C3orf49: variants seen among roughly 807,000 people sequenced by gnomAD.
C3orf49 encodes the protein putative uncharacterized protein C3orf49.
In C3orf49, 27 loss-of-function variants were observed where a neutral mutation model predicts 13.3. The ratio of observed to expected loss-of-function variants is 2.02; its 90% CI spans 1.49 to 2.79. The LOEUF (loss-of-function observed/expected upper bound fraction) is 2.79. C3orf49 is among the 30% of genes most tolerant of loss of function. The pLI is 0.00. For missense variants in C3orf49, 242 were observed against 134.2 expected, an observed-to-expected ratio of 1.80 and a Z score of -3.97; for synonymous variants, 87 against 47.6, an observed-to-expected ratio of 1.83 and a Z score of -3.40.
intron 1 of C3orf49, among the ~76,000 whole-genome samples, chr3:63,821,363 G>T (rs1701391673): frequency 6.6e-6 from 1 of 152,058 alleles, no homozygotes; most frequent in Non-Finnish European, 1.5e-5. Flanking sequence ...GAAGAACATT[G>T]TTAATGGTTA....
the C3orf49 span, among the ~76,000 whole-genome samples, chr3:63,784,391 T>C: frequency 6.6e-6 from 1 of 152,196 alleles, no homozygotes; most frequent in Admixed American, 6.5e-5. Context: ...ATGGCTATAA[T>C]CCATTATTCC....
rs774210324 is a variant in C3orf49 at position 63,835,255 on chromosome 3, G to A, written c.849+3411G>A. On this transcript the variant is annotated intron_variant, in intron 5 of 6. Transcript: ENST00000295896. Reference sequence around the variant, plus strand: ...TAACAAGAAAAAAATTTATACAAATGACCTGTATATATAGATATATAGACA... The same window carrying A: ...TAACAAGAAAAAAATTTATACAAATAACCTGTATATATAGATATATAGACA... 86 of 1,612,194 alleles carry A rather than the reference G, an allele frequency of 5.3e-5. No individual in the cohort carries two copies. The East Asian group carries it at 1.8e-3, about 34-fold the overall frequency.
At chr3:63,838,349 A>T in intron 5 of C3orf49, 1 of 1,401,042 alleles carries the variant, frequency 7.1e-7, no homozygotes, top group Non-Finnish European at 9.8e-7. Context: ...AAAATTACAG[A>T]TAGAAACATT....
chr3:63,796,455 C>T, the C3orf49 span, among the ~76,000 whole-genome samples: 1 of 152,178 alleles, frequency 6.6e-6, no homozygotes, highest in East Asian at 1.9e-4. Flanking sequence ...TCTCCAATGT[C>T]TTCTTTCTAA....
At chr3:63,799,352 A>G in the C3orf49 span, among the ~76,000 whole-genome samples, 81 of 152,176 alleles carry the variant, frequency 5.3e-4, no homozygotes, top group African/African-American at 1.9e-3. Context: ...ATTAGTGGAC[A>G]TCTACTGCTT....
chr3:63,831,297 T>G, intron 4 of C3orf49, 74 bp downstream of exon 4: 1 of 663,808 alleles, frequency 1.5e-6, no homozygotes, highest in South Asian at 1.7e-5. Flanking sequence ...CGCACAGCCC[T>G]GCTAGACAGC....
At chr3:63,787,981 A>G in the C3orf49 span, among the ~76,000 whole-genome samples, 1 of 152,208 alleles carries the variant, frequency 6.6e-6, no homozygotes. Flanking sequence ...AAGCTTGGGA[A>G]TTGGAAATGT....
At chr3:63,843,377 C>G (rs1343204617) in intron 5 of C3orf49, among the ~76,000 whole-genome samples, 1 of 152,032 alleles carries the variant, frequency 6.6e-6, no homozygotes, top group Non-Finnish European at 1.5e-5. Context: ...CTCGGCCTCT[C>G]AAAGTGCTGG....
rs151162139 is a variant in C3orf49 at position 63,830,832 on chromosome 3, C to T, written c.571-278C>T. 0.011 allele frequency among the ~76,000 whole-genome samples: 1,649 copies of T among 152,294 alleles called. 10 individuals are homozygous for T. Among genetic ancestry groups the T allele is most frequent in the Non-Finnish European group, 0.016 (1,084 of 68,024 alleles). ...AGGCAATTTCTTCTTCTTCCCCTTACGAATGACCTGCTTTTTTCCTGATGC... is the reference window on the plus strand; with the variant it reads ...AGGCAATTTCTTCTTCTTCCCCTTATGAATGACCTGCTTTTTTCCTGATGC... On this transcript the variant is annotated intron_variant, in intron 3 of 6. Transcript: ENST00000295896.
the C3orf49 span, among the ~76,000 whole-genome samples, chr3:63,793,936 C>G: frequency 3.4e-3 from 511 of 152,210 alleles, 5 homozygotes; most frequent in African/African-American, 0.011. Context: ...AGGACAATCG[C>G]TTGAGCCCAG....
rs200247148 is a variant in C3orf49, at chr3:63,845,010, T to C, written c.850-13T>C. ...GAGATCTTTACATTTGTTGTAATTT[T>C]GTCTCTTGACAGATGACCACAAAAG... is the stretch of plus-strand genomic sequence containing the variant. On this transcript the variant is annotated splice_polypyrimidine_tract_variant and intron_variant, in intron 5 of 6. Coordinates refer to ENST00000295896, the MANE Select transcript of C3orf49 (RefSeq NM_001355236.2). 97 of 693,154 alleles carry C rather than the reference T, an allele frequency of 1.4e-4. No individual in the cohort carries two copies. The highest frequency in any genetic ancestry group is 2.2e-4 in the Non-Finnish European group (85 of 379,750). 42.9% of individuals were successfully genotyped at this position (693,154 alleles called of 1,614,324 possible).
intron 2 of C3orf49, among the ~76,000 whole-genome samples, chr3:63,825,977 G>T (rs1445675466): frequency 2.6e-5 from 4 of 152,190 alleles, no homozygotes; most frequent in Admixed American, 6.5e-5. Context: ...GCTTACACAA[G>T]GTGGAGGGGG....
chr3:63,825,616 T>A (rs1701456734), intron 2 of C3orf49, among the ~76,000 whole-genome samples: 1 of 152,220 alleles, frequency 6.6e-6, no homozygotes, highest in African/African-American at 2.4e-5. Context: ...AACATGCTCA[T>A]CCTTTAGGAT....
the C3orf49 span, among the ~76,000 whole-genome samples, chr3:63,794,623 C>T: frequency 6.6e-6 from 1 of 152,168 alleles, no homozygotes; most frequent in African/African-American, 2.4e-5. Flanking sequence ...AATGAACCCA[C>T]TTATCAAGGT....
the C3orf49 span, among the ~76,000 whole-genome samples, chr3:63,782,039 T>C: frequency 6.6e-6 from 1 of 152,204 alleles, no homozygotes; most frequent in African/African-American, 2.4e-5. Context: ...CTTATCCTTC[T>C]GTAAGAACCA....
At chr3:63,791,655 C>G in the C3orf49 span, among the ~76,000 whole-genome samples, 1 of 152,176 alleles carries the variant, frequency 6.6e-6, no homozygotes, top group African/African-American at 2.4e-5. Flanking sequence ...AAAAGCATCC[C>G]ACTTGGTTCT....
At chr3:63,847,803 A>C (rs1359964013) in intron 6 of C3orf49, among the ~76,000 whole-genome samples, 1 of 152,232 alleles carries the variant, frequency 6.6e-6, no homozygotes, top group Non-Finnish European at 1.5e-5. Flanking sequence ...AAAATTTCCA[A>C]AAGTTTAATG....
the C3orf49 span, among the ~76,000 whole-genome samples, chr3:63,812,023 C>T: frequency 2.6e-5 from 4 of 151,346 alleles, no homozygotes; most frequent in South Asian, 2.1e-4. Context: ...GTAGCGACTG[C>T]GGTAAACTGA....
At chr3:63,833,097 CT>C (rs748114078) in intron 5 of C3orf49, among the ~76,000 whole-genome samples, 626 of 135,574 alleles carry the variant, frequency 4.6e-3, no homozygotes, top group Admixed American at 5.0e-3. Context: ...GCAAGACAAT[CT>C]TTTTTTTTTT....
Sources: gnomAD v4.1 joint callset for allele counts (sites outside exome capture counted in the v4.1 genomes callset) on GRCh38, gnomAD v4.1.1 for gene constraint, MANE v1.5 for transcripts, NCBI Gene and HGNC (gene_info 2026-07-23, HGNC 2026-07-21) for gene names.